Variants in CLEC3B observed in about 807,000 individuals in gnomAD.
The protein encoded by CLEC3B is tetranectin.
CLEC3B carries 13 observed loss-of-function variants against 15.4 expected under a neutral mutation model. The ratio of observed to expected loss-of-function variants is 0.84; its 90% CI spans 0.55 to 1.34. The LOEUF is 1.34. CLEC3B is among the 40% of genes most tolerant of loss of function. The probability of loss-of-function intolerance (pLI) is 0.00; values close to 1 mark genes in which losing one functional copy is unlikely to be tolerated. For missense variants in CLEC3B, 242 were observed against 268.6 expected, an observed-to-expected ratio of 0.90 and a Z score of 0.69; for synonymous variants, 112 against 114.7, an observed-to-expected ratio of 0.98 and a Z score of 0.15.
chr3:45,032,164 T>C lies in CLEC3B; in HGVS notation c.208+1239T>C, dbSNP rs1697567886. 2.0e-5 allele frequency among the ~76,000 whole-genome samples: 3 copies of C among 152,160 alleles called. No individual in the cohort carries two copies. The South Asian group carries it at 6.2e-4, about 32-fold the overall frequency. ...CAGCCACTCTCTTACCTGTTGCTTT[T>C]GTGACCAAGGCCCATCCATCTGCAA... On this transcript the variant is annotated intron_variant, in intron 2 of 2. Coordinates refer to ENST00000296130, the MANE Select transcript of CLEC3B (RefSeq NM_003278.3).
At chr3:45,034,276 G>C (rs985761612) in intron 2 of CLEC3B, among the ~76,000 whole-genome samples, 1 of 152,228 alleles carries the variant, frequency 6.6e-6, no homozygotes, top group Non-Finnish European at 1.5e-5. Context: ...AGGATAGCAC[G>C]AGGTAGGACA....
chr3:45,026,897 T>C (rs1697492221), intron 1 of CLEC3B, among the ~76,000 whole-genome samples: 1 of 152,168 alleles, frequency 6.6e-6, no homozygotes, highest in South Asian at 2.1e-4. Context: ...GATTTTATGA[T>C]ACAAAATATA....
chr3:45,027,199 G>C (rs1052610494), intron 1 of CLEC3B, among the ~76,000 whole-genome samples: 4 of 152,230 alleles, frequency 2.6e-5, no homozygotes, highest in Non-Finnish European at 5.9e-5. Context: ...ACCCCCCCAG[G>C]GAGCAGAGGC....
At chr3:45,033,761 G>A (rs2125980727) in intron 2 of CLEC3B, among the ~76,000 whole-genome samples, 1 of 152,332 alleles carries the variant, frequency 6.6e-6, no homozygotes, top group East Asian at 1.9e-4. Context: ...ATAGTATCAC[G>A]AGAAGTAGCA....
chr3:45,029,581 A>G (rs1332023717), intron 1 of CLEC3B, among the ~76,000 whole-genome samples: 3 of 152,100 alleles, frequency 2.0e-5, no homozygotes, highest in Non-Finnish European at 2.9e-5. Flanking sequence ...ATACACAACC[A>G]TGTGTCTTGC....
chr3:45,027,767 T>TA (rs1487515416), intron 1 of CLEC3B, among the ~76,000 whole-genome samples: 2 of 152,208 alleles, frequency 1.3e-5, no homozygotes, highest in Non-Finnish European at 2.9e-5. Context: ...CGTGCATAGT[T>TA]ACGTCTATGA....
intron 1 of CLEC3B, chr3:45,030,214 GCA>G (rs1300379630): frequency 3.0e-6 from 3 of 986,116 alleles, no homozygotes; most frequent in Non-Finnish European, 2.4e-6. Context: ...GCTGTGATGG[GCA>G]CACACTCAGC....
At chr3:45,028,750 G>A (rs577594257) in intron 1 of CLEC3B, among the ~76,000 whole-genome samples, 3 of 152,258 alleles carry the variant, frequency 2.0e-5, no homozygotes, top group Admixed American at 1.3e-4. Context: ...CCAAAAGTAC[G>A]GGAGAAAGTC....
chr3:45,035,746 G>A lies in CLEC3B; in HGVS notation c.431G>A (p.Trp144Ter). 6.2e-7 allele frequency: 1 copy of A among 1,613,752 alleles called. No individual in the cohort carries two copies. Among genetic ancestry groups the A allele is most frequent in the African/African-American group, 1.3e-5 (1 of 75,076 alleles). The change falls in exon 3 of 3, where the codon TGG becomes TAG. Residue 144 changes from tryptophan to a stop codon, truncating the protein, a stop_gained. Transcript: ENST00000296130. LOFTEE classifies it high-confidence loss of function. ...GLNDMAAEGT[W>*]VDMTGARIAY... ...AACGACATGGCGGCCGAGGGCACCT[G>A]GGTGGACATGACCGGCGCCCGCATC... is the stretch of plus-strand genomic sequence containing the variant.
Position 45,030,813 on chromosome 3 carries a change from T to C in CLEC3B, c.110-14T>C. The C allele has an allele frequency of 1.3e-6, 2 of 1,566,868 alleles. No homozygotes were observed. Among genetic ancestry groups the C allele is most frequent in the Non-Finnish European group, 1.7e-6 (2 of 1,153,052 alleles). On this transcript the variant is annotated splice_polypyrimidine_tract_variant and intron_variant, in intron 1 of 2. Coordinates refer to ENST00000296130, the MANE Select transcript of CLEC3B (RefSeq NM_003278.3). The stretch of plus-strand genomic sequence containing the variant: ...AGTCCCTGCCCCACCCTGACATATT[T>C]CCTCCTGCTTCAGATGTTGTGAACA...
At chr3:45,028,639 C>A (rs1697515741) in intron 1 of CLEC3B, among the ~76,000 whole-genome samples, 1 of 152,112 alleles carries the variant, frequency 6.6e-6, no homozygotes, top group South Asian at 2.1e-4. Context: ...GTTTAGGGAT[C>A]TTGGTGAGTT....
Position 45,035,592 on chromosome 3 carries a change from G to A in CLEC3B, c.277G>A (p.Glu93Lys), listed in dbSNP as rs781657664. The change falls in exon 3 of 3, where the codon GAG becomes AAG. Residue 93 changes from glutamate (E) to lysine (K), a missense_variant. Coordinates refer to ENST00000296130, the MANE Select transcript of CLEC3B (RefSeq NM_003278.3). ...CTTCACCCAGACGAAGACCTTCCAC[G>A]AGGCCAGCGAGGACTGCATCTCGCG... ...LAFTQTKTFHEASEDCISRGG... is the reference protein window; with the variant it reads ...LAFTQTKTFHKASEDCISRGG... 6.2e-7 allele frequency: 1 copy of A among 1,614,042 alleles called. No individual in the cohort carries two copies. Among genetic ancestry groups the A allele is most frequent in the Admixed American group, 1.7e-5 (1 of 60,028 alleles).
chr3:45,031,612 C>G (rs1697555764), intron 2 of CLEC3B, among the ~76,000 whole-genome samples: 1 of 152,208 alleles, frequency 6.6e-6, no homozygotes, highest in African/African-American at 2.4e-5. Context: ...TCTGCACTAG[C>G]CAGCTGAGGG....
intron 1 of CLEC3B, among the ~76,000 whole-genome samples, chr3:45,028,846 G>T (rs1173829959): frequency 1.3e-5 from 2 of 152,208 alleles, no homozygotes; most frequent in African/African-American, 4.8e-5. Context: ...GCAAAGGAAG[G>T]GAATGCCAGC....
At chr3:45,033,842 G>A (rs1697600276) in intron 2 of CLEC3B, among the ~76,000 whole-genome samples, 1 of 152,222 alleles carries the variant, frequency 6.6e-6, no homozygotes, top group South Asian at 2.1e-4. Flanking sequence ...CTGAGATGGA[G>A]TTTAACCCAC....
At chr3:45,035,215 G>A (rs2125981006) in intron 2 of CLEC3B, among the ~76,000 whole-genome samples, 1 of 152,306 alleles carries the variant, frequency 6.6e-6, no homozygotes, top group South Asian at 2.1e-4. Flanking sequence ...AATGACTGAG[G>A]TGGAGGCCTG....
chr3:45,026,369 C>T lies in CLEC3B; in HGVS notation c.7C>T (p.Leu3Phe). The T allele has an allele frequency of 6.2e-7, 1 of 1,613,810 alleles. No homozygotes were observed. Among genetic ancestry groups the T allele is most frequent in the African/African-American group, 1.3e-5 (1 of 75,054 alleles). The change falls in exon 1 of 3, where the codon CTC (leucine) becomes TTC (phenylalanine). Residue 3 changes from leucine to phenylalanine, a missense_variant. Physicochemically the swap from Leu to Phe is conservative, Grantham distance 22 (BLOSUM62 0). Transcript: ENST00000296130. Reference sequence around the variant, plus strand: ...CCCCCGCCCGCGCAGCAGCATGGAGCTCTGGGGGGCCTACCTCCTCCTCTG... The same window carrying T: ...CCCCCGCCCGCGCAGCAGCATGGAGTTCTGGGGGGCCTACCTCCTCCTCTG... ME[L>F]WGAYLLLCLF... is the part of the protein sequence containing the mutation.
intron 2 of CLEC3B, among the ~76,000 whole-genome samples, chr3:45,032,240 C>G (rs1697568894): frequency 6.6e-6 from 1 of 152,220 alleles, no homozygotes; most frequent in Non-Finnish European, 1.5e-5. Flanking sequence ...AGCCTTCTCA[C>G]CGGATGGTTT....
Position 45,035,719 on chromosome 3 carries a change from T to C in CLEC3B, c.404T>C (p.Leu135Pro). The change falls in exon 3 of 3, where the codon CTC (leucine) becomes CCC (proline). Residue 135 changes from leucine (L) to proline (P), a missense_variant. Coordinates refer to ENST00000296130, the MANE Select transcript of CLEC3B (RefSeq NM_003278.3). Reference sequence around the variant, plus strand: ...AACGAGGCCGAGATCTGGCTGGGCCTCAACGACATGGCGGCCGAGGGCACC... The same window carrying C: ...AACGAGGCCGAGATCTGGCTGGGCCCCAACGACATGGCGGCCGAGGGCACC... The part of the protein sequence containing the change: ...VGNEAEIWLG[L>P]NDMAAEGTWV... 6.2e-7 allele frequency: 1 copy of C among 1,613,786 alleles called. No homozygotes were observed. The highest frequency in any genetic ancestry group is 8.5e-7 in the Non-Finnish European group (1 of 1,180,002).
Sources: gnomAD v4.1 joint callset for allele counts (sites outside exome capture counted in the v4.1 genomes callset) on GRCh38, gnomAD v4.1.1 for gene constraint, MANE v1.5 for transcripts, NCBI Gene and HGNC (gene_info 2026-07-23, HGNC 2026-07-21) for gene names.